FAM180A: variants seen among roughly 807,000 people sequenced by gnomAD.
FAM180A encodes the protein family with sequence similarity 180 member A.
A neutral mutation model predicts 15.3 loss-of-function variants in FAM180A; 14 were observed. That is an observed-to-expected ratio of 0.92 (90% CI 0.61 to 1.43). FAM180A has a LOEUF of 1.43. FAM180A is among the 40% of genes most tolerant of loss of function. The pLI is 0.00. For missense variants in FAM180A, 200 were observed against 220.8 expected (o/e 0.91, Z 0.60); for synonymous variants, 90 against 96.8 (o/e 0.93, Z 0.41).
chr7:135,733,678 C>G lies in FAM180A; in HGVS notation c.*297G>C. ...CACTCTTGAGTGTGTGGCCACTGCT[C>G]TGGGTTGAAGCATATCAGAATTCTG... On this transcript the variant is annotated 3_prime_UTR_variant, in exon 3 of 4. Coordinates refer to ENST00000338588, the MANE Select transcript of FAM180A (RefSeq NM_205855.4). 1.7e-6 allele frequency: 2 copies of G among 1,175,600 alleles called. No individual in the cohort carries two copies. Among genetic ancestry groups the G allele is most frequent in the Admixed American group, 8.7e-5 (2 of 22,884 alleles). 72.8% of individuals were successfully genotyped at this position (1,175,600 alleles called of 1,614,324 possible).
chr7:135,742,654 C>T (rs1304672881), intron 1 of FAM180A, among the ~76,000 whole-genome samples: 1 of 152,184 alleles, frequency 6.6e-6, no homozygotes, highest in Non-Finnish European at 1.5e-5. Context: ...GAGCTGGATC[C>T]AGAGTTCATG....
intron 1 of FAM180A, among the ~76,000 whole-genome samples, chr7:135,737,975 G>A (rs28600942): frequency 0.15 from 23,170 of 152,156 alleles, 3,310 homozygotes; most frequent in African/African-American, 0.38. Context: ...GCATCTTAGC[G>A]CGTTATCAGT....
At chr7:135,737,586 CAAAAAA>C (rs35378393) in intron 1 of FAM180A, among the ~76,000 whole-genome samples, 14 of 82,340 alleles carry the variant, frequency 1.7e-4, no homozygotes, top group East Asian at 3.9e-4. Flanking sequence ...GACTCCATGT[CAAAAAA>C]AAAAAAAAAA....
intron 1 of FAM180A, among the ~76,000 whole-genome samples, chr7:135,742,954 A>T (rs1248659168): frequency 6.6e-6 from 1 of 152,248 alleles, no homozygotes; most frequent in African/African-American, 2.4e-5. Flanking sequence ...AATCTCACTG[A>T]TAAGTGAACA....
In FAM180A at chr7:135,748,531, G is replaced by T; in HGVS notation, c.50C>A (p.Ala17Asp). ...CCTGCTCCACCTGTGGCACATAGAA[G>T]CCTCAGCATTGTAATACAACAGCAG... ...LLLLLYYNAE[A>D]SMCHRWSRAV... The change falls in exon 1 of 4, where the codon GCT becomes GAT. Residue 17 changes from alanine (A) to aspartate (D), a missense_variant. Transcript: ENST00000338588. 1 of 1,614,016 alleles carries T rather than the reference G, an allele frequency of 6.2e-7. No homozygotes were observed. Among genetic ancestry groups the T allele is most frequent in the Non-Finnish European group, 8.5e-7 (1 of 1,179,910 alleles).
intron 1 of FAM180A, among the ~76,000 whole-genome samples, chr7:135,740,543 G>A (rs1171171019): frequency 2.0e-5 from 3 of 152,174 alleles, no homozygotes; most frequent in Non-Finnish European, 4.4e-5. Context: ...TGTAGGCACT[G>A]GGACTTTTTC....
Position 135,729,878 on chromosome 7 carries a change from G to A in FAM180A, c.*733C>T, listed in dbSNP as rs909902464. 3 of 697,030 alleles carry A rather than the reference G, an allele frequency of 4.3e-6. No individual in the cohort carries two copies. Among genetic ancestry groups the A allele is most frequent in the Middle Eastern group, 7.4e-4 (1 of 1,360 alleles). The allele number at this position is 697,030 out of a possible 1,614,324, so 43.2% of individuals were successfully genotyped here. On this transcript the variant is annotated 3_prime_UTR_variant, in exon 4 of 4. Transcript: ENST00000338588. Reference sequence around the variant, plus strand: ...GGGAAGGGGAAAAGAGGAGTTGTTCGGTGGGTATAGAACTTCAGAATTACA... The same window carrying A: ...GGGAAGGGGAAAAGAGGAGTTGTTCAGTGGGTATAGAACTTCAGAATTACA...
At chr7:135,745,345 C>T (rs1490946752) in intron 1 of FAM180A, among the ~76,000 whole-genome samples, 1 of 152,140 alleles carries the variant, frequency 6.6e-6, no homozygotes, top group African/African-American at 2.4e-5. Flanking sequence ...CTATTCATAT[C>T]CTTAATAGGT....
intron 1 of FAM180A, among the ~76,000 whole-genome samples, chr7:135,740,407 C>T (rs185103248): frequency 6.6e-5 from 10 of 152,324 alleles, no homozygotes; most frequent in African/African-American, 2.2e-4. Flanking sequence ...GGCTGTGTGG[C>T]CGCTCTTTGT....
intron 1 of FAM180A, among the ~76,000 whole-genome samples, chr7:135,740,437 C>G (rs1467270391): frequency 2.6e-5 from 4 of 152,138 alleles, no homozygotes; most frequent in Non-Finnish European, 4.4e-5. Flanking sequence ...TGGTTCCCAG[C>G]CTTGACTAGA....
At chr7:135,735,574 T>C (rs1186779587) in intron 2 of FAM180A, among the ~76,000 whole-genome samples, 5 of 152,212 alleles carry the variant, frequency 3.3e-5, no homozygotes, top group African/African-American at 9.6e-5. Flanking sequence ...TTCTAAAATA[T>C]AGATCTCTTC....
chr7:135,736,800 T>C (rs10268510), intron 2 of FAM180A, among the ~76,000 whole-genome samples: 67,835 of 152,078 alleles, frequency 0.45, 15,289 homozygotes, highest in Middle Eastern at 0.58. Flanking sequence ...AATATTGCCA[T>C]ACTCTGGTGC....
At chr7:135,738,691 A>T (rs1192933003) in intron 1 of FAM180A, among the ~76,000 whole-genome samples, 1 of 152,228 alleles carries the variant, frequency 6.6e-6, no homozygotes, top group Non-Finnish European at 1.5e-5. Context: ...TGATCATTAT[A>T]AATTGCAGTT....
chr7:135,734,450 C>T, intron 2 of FAM180A, 131 bp from the exon 3 acceptor site: 2 of 806,952 alleles, frequency 2.5e-6, no homozygotes, highest in South Asian at 3.9e-5. Context: ...AGTTCCAGTT[C>T]TGACTTTCTC....
chr7:135,744,748 C>G (rs1020361662), intron 1 of FAM180A, among the ~76,000 whole-genome samples: 5 of 152,202 alleles, frequency 3.3e-5, no homozygotes, highest in Admixed American at 1.3e-4. Flanking sequence ...CAACTCTGCC[C>G]TTGCAGCTGG....
intron 1 of FAM180A, among the ~76,000 whole-genome samples, chr7:135,741,696 C>T (rs1463610545): frequency 5.9e-5 from 9 of 151,904 alleles, no homozygotes; most frequent in South Asian, 4.2e-4. Flanking sequence ...TGGTGGCACA[C>T]GCTTGTGGTC....
At chr7:135,740,076 A>G (rs1251749994) in intron 1 of FAM180A, among the ~76,000 whole-genome samples, 1 of 152,170 alleles carries the variant, frequency 6.6e-6, no homozygotes, top group Non-Finnish European at 1.5e-5. Flanking sequence ...TTTGCCAAAA[A>G]AGAGCCAGTT....
intron 1 of FAM180A, 145 bp from the exon 2 acceptor site, chr7:135,737,344 TG>T (rs1796886590): frequency 8.1e-6 from 5 of 615,128 alleles, no homozygotes; most frequent in Admixed American, 3.4e-5. Flanking sequence ...TCCAGCCCTT[TG>T]GGAGGCCGAG....
intron 1 of FAM180A, among the ~76,000 whole-genome samples, chr7:135,747,337 G>C (rs1467937476): frequency 6.6e-6 from 1 of 152,068 alleles, no homozygotes; most frequent in Non-Finnish European, 1.5e-5. Flanking sequence ...GTGTGTATGT[G>C]CATGTGTATG....
Sources: allele counts gnomAD v4.1 joint callset (sites outside exome capture counted in the v4.1 genomes callset), GRCh38; gene constraint gnomAD v4.1.1; transcripts MANE v1.5; gene names NCBI Gene and HGNC (gene_info 2026-07-23, HGNC 2026-07-21).